DLG2: variants seen among roughly 807,000 people sequenced by gnomAD.
DLG2 encodes disks large homolog 2.
DLG2 carries 45 observed loss-of-function variants against 132.5 expected under a neutral mutation model. The observed-to-expected ratio is 0.34, with a 90% CI of 0.27 to 0.44. DLG2 has a LOEUF of 0.44. Ranked by LOEUF, DLG2 falls within the 20% of genes least tolerant of loss-of-function variation. The pLI, the probability that DLG2 is intolerant of heterozygous loss-of-function variation, is 1.00. For missense variants in DLG2, 1,045 were observed against 1,196.9 expected (o/e 0.87, Z 1.87); for synonymous variants, 424 against 419.6 (o/e 1.01, Z -0.13).
chr11:84,608,077 A>G (rs1471080182), intron 6 of DLG2, among the ~76,000 whole-genome samples: 2 of 152,120 alleles, frequency 1.3e-5, no homozygotes, highest in African/African-American at 4.8e-5. Flanking sequence ...AATTCCTTAT[A>G]AGCATCTCTC....
chr11:85,291,084 T>C (rs1194920013), intron 3 of DLG2, among the ~76,000 whole-genome samples: 1 of 152,156 alleles, frequency 6.6e-6, no homozygotes, highest in East Asian at 1.9e-4. Flanking sequence ...TTTAAGGTCC[T>C]TGGAAATGGT....
chr11:85,469,370 T>A (rs1182980009), intron 3 of DLG2: 1 of 152,210 alleles, frequency 6.6e-6, no homozygotes, highest in African/African-American at 2.4e-5. Flanking sequence ...GAGAACTGCA[T>A]AGCAAAACAA....
At chr11:83,889,079 T>A (rs1317493792) in intron 15 of DLG2, among the ~76,000 whole-genome samples, 1 of 152,038 alleles carries the variant, frequency 6.6e-6, no homozygotes, top group African/African-American at 2.4e-5. Context: ...CCAAAAGCAA[T>A]GGCAACAACA....
At chr11:83,820,720 C>T (rs1378500915) in intron 17 of DLG2, among the ~76,000 whole-genome samples, 1 of 152,126 alleles carries the variant, frequency 6.6e-6, no homozygotes, top group Admixed American at 6.6e-5. Context: ...CACTGATGAG[C>T]AAGTGAGCCC....
intron 6 of DLG2, among the ~76,000 whole-genome samples, chr11:84,628,363 G>A (rs2099626276): frequency 6.6e-6 from 1 of 152,128 alleles, no homozygotes; most frequent in Non-Finnish European, 1.5e-5. Context: ...ACTGCATACT[G>A]GCAATGCAAA....
intron 6 of DLG2, among the ~76,000 whole-genome samples, chr11:85,009,689 C>T (rs568727889): frequency 4.6e-5 from 7 of 152,068 alleles, no homozygotes; most frequent in Non-Finnish European, 1.0e-4. Context: ...TATATCAATT[C>T]CAGTTATACA....
intron 7 of DLG2, among the ~76,000 whole-genome samples, chr11:84,385,931 T>C (rs1438498960): frequency 6.6e-6 from 1 of 152,118 alleles, no homozygotes; most frequent in African/African-American, 2.4e-5. Flanking sequence ...AACATTTTAA[T>C]TCTGTAAGTT....
intron 3 of DLG2, among the ~76,000 whole-genome samples, chr11:85,392,151 G>A (rs2086851614): frequency 1.3e-5 from 2 of 152,032 alleles, no homozygotes; most frequent in African/African-American, 2.4e-5. Context: ...CAGCGACCAA[G>A]TTGAAAATCA....
intron 6 of DLG2, among the ~76,000 whole-genome samples, chr11:84,925,255 A>T (rs370999225): frequency 6.6e-6 from 1 of 152,334 alleles, no homozygotes; most frequent in East Asian, 1.9e-4. Context: ...ATCTCAGAAC[A>T]GCTCGCAAGC....
At chr11:85,220,202 G>A (rs1305983743) in intron 4 of DLG2, among the ~76,000 whole-genome samples, 1 of 152,074 alleles carries the variant, frequency 6.6e-6, no homozygotes, top group East Asian at 1.9e-4. Context: ...TAACTTCAGT[G>A]GAAACATACT....
intron 15 of DLG2, among the ~76,000 whole-genome samples, chr11:83,918,748 C>G (rs2675718): frequency 2.5e-4 from 38 of 152,002 alleles, no homozygotes; most frequent in Non-Finnish European, 5.0e-4. Context: ...GGGTCCCACA[C>G]GGCGCCTGTC....
At chr11:83,764,746 C>T (rs1325217876) in intron 18 of DLG2, among the ~76,000 whole-genome samples, 1 of 152,216 alleles carries the variant, frequency 6.6e-6, no homozygotes, top group Non-Finnish European at 1.5e-5. Flanking sequence ...GAACACAGGA[C>T]TCTGGTTCCA....
At chr11:84,942,875 T>A (rs569776906) in intron 6 of DLG2, among the ~76,000 whole-genome samples, 2 of 152,198 alleles carry the variant, frequency 1.3e-5, no homozygotes, top group African/African-American at 4.8e-5. Context: ...GCTTTAATAA[T>A]ATTTGCTTTA....
chr11:85,067,807 C>T (rs970733865), intron 6 of DLG2, among the ~76,000 whole-genome samples: 1 of 151,906 alleles, frequency 6.6e-6, no homozygotes, highest in African/African-American at 2.4e-5. Context: ...TTTATGAGGC[C>T]AGCATCATCC....
intron 7 of DLG2, among the ~76,000 whole-genome samples, chr11:84,302,496 C>T (rs370550812): frequency 2.0e-5 from 3 of 152,018 alleles, no homozygotes; most frequent in Non-Finnish European, 2.9e-5. Context: ...ATAAATGAGA[C>T]TCAAGTTTAG....
intron 6 of DLG2, among the ~76,000 whole-genome samples, chr11:84,987,160 C>T (rs2056588538): frequency 6.6e-6 from 1 of 152,090 alleles, no homozygotes; most frequent in Non-Finnish European, 1.5e-5. Context: ...ACCCCCTTTA[C>T]AATAGCTGCG....
intron 3 of DLG2, among the ~76,000 whole-genome samples, chr11:85,358,176 A>C (rs2083886943): frequency 6.6e-6 from 1 of 152,174 alleles, no homozygotes; most frequent in African/African-American, 2.4e-5. Flanking sequence ...TTTTTTAAAA[A>C]AATAGTTGGA....
intron 15 of DLG2, among the ~76,000 whole-genome samples, chr11:83,912,158 A>T (rs2076183042): frequency 1.8e-5 from 1 of 55,286 alleles, no homozygotes; most frequent in African/African-American, 7.8e-5. Context: ...ATGTCATCAA[A>T]ATTATATAAA....
chr11:85,445,642 T>C (rs1341514700), intron 3 of DLG2, among the ~76,000 whole-genome samples: 2 of 152,114 alleles, frequency 1.3e-5, no homozygotes, highest in Non-Finnish European at 2.9e-5. Flanking sequence ...GTTGCACCAC[T>C]CCTGTCCAGC....
Sources: gnomAD v4.1 joint callset for allele counts (sites outside exome capture counted in the v4.1 genomes callset) on GRCh38, gnomAD v4.1.1 for gene constraint, MANE v1.5 for transcripts, NCBI Gene and HGNC (gene_info 2026-07-23, HGNC 2026-07-21) for gene names.